Variants in NAV3 observed in about 807,000 individuals in gnomAD.
NAV3 encodes the protein neuron navigator 3.
In NAV3, 87 loss-of-function variants were observed where a neutral mutation model predicts 244.7. That is an observed-to-expected ratio of 0.36 (90% CI 0.30 to 0.42). The LOEUF is 0.42. Among genes scored for constraint, NAV3 ranks in the 20% least tolerant of loss-of-function variants. NAV3 has a pLI of 1.00. For synonymous variants in NAV3, 1,126 were observed against 1,042.2 expected (o/e 1.08, Z -1.55); for missense variants, 2,663 against 2,893.3 (o/e 0.92, Z 1.83).
At chr12:77,937,339 C>T (rs1889418535) in intron 1 of NAV3, among the ~76,000 whole-genome samples, 1 of 152,122 alleles carries the variant, frequency 6.6e-6, no homozygotes, top group Admixed American at 6.6e-5. Context: ...CAGGTATTAC[C>T]AACAAGGTAT....
intron 34 of NAV3, among the ~76,000 whole-genome samples, chr12:78,193,847 A>G (rs1456326121): frequency 6.6e-6 from 1 of 152,116 alleles, no homozygotes; most frequent in Non-Finnish European, 1.5e-5. Flanking sequence ...TGATTGTCCA[A>G]AAATGACCCA....
intron 2 of NAV3, among the ~76,000 whole-genome samples, chr12:77,681,198 AACTT>A (rs1431041767): frequency 6.6e-6 from 1 of 152,190 alleles, no homozygotes; most frequent in Non-Finnish European, 1.5e-5. Flanking sequence ...TAAGTTCTCC[AACTT>A]ACTTCATCTC....
chr12:78,062,702 T>G (rs573281566), intron 12 of NAV3, among the ~76,000 whole-genome samples: 2 of 152,128 alleles, frequency 1.3e-5, no homozygotes, highest in Non-Finnish European at 2.9e-5. Flanking sequence ...GAAATATTTA[T>G]TTACCCAGAA....
At chr12:78,065,099 C>T (rs375523169) in intron 12 of NAV3, among the ~76,000 whole-genome samples, 65 of 152,182 alleles carry the variant, frequency 4.3e-4, no homozygotes, top group African/African-American at 1.5e-3. Flanking sequence ...AGATTGCACT[C>T]ATGGTCCTGT....
intron 12 of NAV3, among the ~76,000 whole-genome samples, chr12:78,107,721 TA>T (rs1203237449): frequency 6.6e-6 from 1 of 152,102 alleles, no homozygotes; most frequent in Non-Finnish European, 1.5e-5. Flanking sequence ...TTGTTACTAC[TA>T]GACTGGACCT....
At chr12:77,743,691 A>G (rs1400762144) in intron 2 of NAV3, among the ~76,000 whole-genome samples, 1 of 151,908 alleles carries the variant, frequency 6.6e-6, no homozygotes, top group Non-Finnish European at 1.5e-5. Context: ...TGAATGAAAG[A>G]AACAAGACAC....
chr12:77,927,884 AC>A (rs1888370780), intron 1 of NAV3, among the ~76,000 whole-genome samples: 1 of 152,038 alleles, frequency 6.6e-6, no homozygotes, highest in African/African-American at 2.4e-5. Context: ...GTCTGTATTG[AC>A]CATGAGGTTG....
intron 3 of NAV3, among the ~76,000 whole-genome samples, chr12:77,946,759 C>T (rs541630735): frequency 6.6e-6 from 1 of 152,278 alleles, no homozygotes; most frequent in Admixed American, 6.5e-5. Flanking sequence ...ATATGTCCAA[C>T]ATTTACTTAG....
chr12:78,092,011 G>A (rs961148557), intron 12 of NAV3, among the ~76,000 whole-genome samples: 1 of 152,036 alleles, frequency 6.6e-6, no homozygotes, highest in Non-Finnish European at 1.5e-5. Context: ...TCTTACCCCA[G>A]AATTCATTCA....
chr12:77,635,442 G>C (rs1872115520), intron 2 of NAV3, among the ~76,000 whole-genome samples: 1 of 151,858 alleles, frequency 6.6e-6, no homozygotes, highest in Non-Finnish European at 1.5e-5. Context: ...TAATAAGTTG[G>C]GTAAATATAT....
Position 77,588,539 on chromosome 12 carries a change from A to G in NAV3, c.72+16273A>G, listed in dbSNP as rs569792380. On this transcript the variant is annotated intron_variant, in intron 2 of 8. Transcript: ENST00000550042. ...CATACTGGTGTTCACACCACACCTG[A>G]TGTTGCATTTTTCATGGATACCTTT... is the stretch of plus-strand genomic sequence containing the variant. Among the ~76,000 whole-genome samples the G allele has an allele frequency of 2.0e-5, 3 of 152,174 alleles. No homozygotes were observed. The South Asian group carries it at 6.2e-4, about 32-fold the overall frequency.
intron 1 of NAV3, among the ~76,000 whole-genome samples, chr12:77,868,721 A>T (rs558095787): frequency 8.4e-5 from 12 of 142,502 alleles, no homozygotes; most frequent in South Asian, 2.3e-4. Flanking sequence ...GGGCCACTGC[A>T]CTCCAGCCTG....
chr12:78,210,826 ACTTT>A lies in NAV3; in HGVS notation c.*314_*317del, dbSNP rs1291742555. ...ATTGCACATGGGATAGCCAAACTGG[ACTTT>A]CTTTGTTTCCTCTTTAAAAGTTTAC... On this transcript the variant is annotated 3_prime_UTR_variant, in exon 40 of 40. Transcript: ENST00000397909. 2 of 286,320 alleles carry A rather than the reference ACTTT, an allele frequency of 7.0e-6. No homozygotes were observed. Among genetic ancestry groups the A allele is most frequent in the Non-Finnish European group, 1.3e-5 (2 of 152,736 alleles). The allele number at this position is 286,320 out of a possible 1,614,324, so 17.7% of individuals were successfully genotyped here. A position where few individuals can be genotyped will look rare whatever the true frequency, so the allele number is the denominator to read the frequency against.
At chr12:77,603,805 T>A (rs1398543336) in intron 2 of NAV3, among the ~76,000 whole-genome samples, 1 of 152,060 alleles carries the variant, frequency 6.6e-6, no homozygotes, top group African/African-American at 2.4e-5. Flanking sequence ...CCTTTAAATA[T>A]GCTTATAGGC....
chr12:77,954,175 G>A (rs1256899496), intron 3 of NAV3, among the ~76,000 whole-genome samples: 1 of 152,168 alleles, frequency 6.6e-6, no homozygotes, highest in Non-Finnish European at 1.5e-5. Flanking sequence ...GTGAACTTAT[G>A]AAATGTGTGG....
chr12:77,826,477 G>A (rs1218359842), upstream of NAV3, among the ~76,000 whole-genome samples: 2 of 152,092 alleles, frequency 1.3e-5, no homozygotes, highest in Non-Finnish European at 2.9e-5. Flanking sequence ...GGGTGACAGA[G>A]CGTGACTCTG....
chr12:78,093,774 A>G (rs1459262380), intron 12 of NAV3, among the ~76,000 whole-genome samples: 6 of 152,212 alleles, frequency 3.9e-5, no homozygotes, highest in South Asian at 4.1e-4. Flanking sequence ...TAGAAAATAT[A>G]TTAATCCCAA....
intron 1 of NAV3, among the ~76,000 whole-genome samples, chr12:77,926,281 A>G (rs1020536942): frequency 1.3e-5 from 2 of 152,174 alleles, no homozygotes; most frequent in African/African-American, 2.4e-5. Context: ...GTAGATATCT[A>G]TCTTTGTCAC....
intron 1 of NAV3, among the ~76,000 whole-genome samples, chr12:77,938,931 CGT>C (rs35392593): frequency 0.045 from 6,390 of 142,310 alleles, 337 homozygotes; most frequent in African/African-American, 0.13. Flanking sequence ...AATGTGATCT[CGT>C]GTGTGTGTGT....
Sources: gnomAD v4.1 joint callset for allele counts (sites outside exome capture counted in the v4.1 genomes callset) on GRCh38, gnomAD v4.1.1 for gene constraint, MANE v1.5 for transcripts, NCBI Gene and HGNC (gene_info 2026-07-23, HGNC 2026-07-21) for gene names.